The following PTPN14 variants were observed in gnomAD, a reference collection of about 807,000 sequenced individuals.
PTPN14 encodes the protein tyrosine-protein phosphatase non-receptor type 14.
A neutral mutation model predicts 126.8 loss-of-function variants in PTPN14; 53 were observed. The observed-to-expected ratio is 0.42, with a 90% confidence interval of 0.34 to 0.53. PTPN14 has a LOEUF of 0.53. Ranked by LOEUF, PTPN14 falls within the 20% of genes least tolerant of loss-of-function variation. The pLI is 0.08. For missense variants in PTPN14, 1,257 were observed against 1,552.9 expected (o/e 0.81, Z 3.20); for synonymous variants, 630 against 599.3 (o/e 1.05, Z -0.75).
At chr1:214,523,191 G>A (rs1417878579) in intron 1 of PTPN14, among the ~76,000 whole-genome samples, 1 of 152,068 alleles carries the variant, frequency 6.6e-6, no homozygotes, top group Admixed American at 6.6e-5. Context: ...CTGGCATCCC[G>A]AGGTCAACAC....
intron 1 of PTPN14, chr1:214,528,535 T>C (rs1655458122): frequency 6.6e-6 from 1 of 152,162 alleles, no homozygotes; most frequent in Non-Finnish European, 1.5e-5. Flanking sequence ...ATGATTACAG[T>C]TATATAATTA....
At chr1:214,540,430 G>A (rs905307941) in intron 1 of PTPN14, among the ~76,000 whole-genome samples, 1 of 152,088 alleles carries the variant, frequency 6.6e-6, no homozygotes, top group African/African-American at 2.4e-5. Context: ...GAAACAGACT[G>A]GTGCACCCTT....
rs184507502 is a variant in PTPN14, at chr1:214,485,706, G to A, written c.-154-20749C>T. ...CATGAAGAGGAACCACCACAGGGCT[G>A]AAGACATCTAGTCTTTTATATTTCT... On this transcript the variant is annotated intron_variant, in intron 1 of 18. Transcript: ENST00000366956. Among the ~76,000 whole-genome samples, 4 of 152,182 alleles carry A rather than the reference G, an allele frequency of 2.6e-5. 1 individual carries two copies. The highest frequency in any genetic ancestry group is 9.6e-5 in the African/African-American group (4 of 41,536).
rs199650067 is a variant in PTPN14 at position 214,357,736 on chromosome 1, A to G, written c.*186T>C. The G allele has an allele frequency of 3.3e-5, 5 of 150,816 alleles. No individual in the cohort carries two copies. The highest frequency in any genetic ancestry group is 1.0e-4 in the South Asian group (1 of 9,758). 9.3% of individuals were successfully genotyped at this position (150,816 alleles called of 1,614,324 possible). A position where few individuals can be genotyped will look rare whatever the true frequency, so the allele number is the denominator to read the frequency against. On this transcript the variant is annotated 3_prime_UTR_variant, in exon 19 of 19. Transcript: ENST00000366956. ...ATTCACAAAAGTTATTCCAAAGGGG[A>G]AAAAAATAAATTATCTCATATAAAA...
At chr1:214,423,945 C>T (rs1286085196) in intron 3 of PTPN14, among the ~76,000 whole-genome samples, 1 of 152,052 alleles carries the variant, frequency 6.6e-6, no homozygotes, top group East Asian at 1.9e-4. Flanking sequence ...CGCGCCACTG[C>T]ACTCCAGCCT....
At chr1:214,460,596 A>C (rs1170406687) in intron 2 of PTPN14, among the ~76,000 whole-genome samples, 1 of 146,774 alleles carries the variant, frequency 6.8e-6, no homozygotes, top group Non-Finnish European at 1.5e-5. Context: ...TGAAAATTCT[A>C]ACACACACAC....
At position 214,350,501 on chromosome 1, in the gene PTPN14, A is replaced by G. The variant is rs1361655161; in HGVS notation, c.*7421T>C. The G allele has an allele frequency of 9.1e-6, 1 of 110,342 alleles. No homozygotes were observed. Among genetic ancestry groups the G allele is most frequent in the African/African-American group, 3.5e-5 (1 of 28,472 alleles). 6.8% of individuals were successfully genotyped at this position (110,342 alleles called of 1,614,324 possible). On this transcript the variant is annotated 3_prime_UTR_variant, in exon 19 of 19. Coordinates refer to ENST00000366956, the MANE Select transcript of PTPN14 (RefSeq NM_005401.5). ...TTCCTGCTTGCTGAGTTTTCTAGCTATTTTCATTCTGGTTATTTTCATCCG... is the reference window on the plus strand; with the variant it reads ...TTCCTGCTTGCTGAGTTTTCTAGCTGTTTTCATTCTGGTTATTTTCATCCG...
Position 214,537,575 on chromosome 1 carries a change from A to G in PTPN14, c.-155+13608T>C, listed in dbSNP as rs769313007. Among the ~76,000 whole-genome samples the G allele has an allele frequency of 6.6e-5, 10 of 152,362 alleles. No homozygotes were observed. In the South Asian group the frequency reaches 8.3e-4, roughly 13 times the overall value. On this transcript the variant is annotated intron_variant, in intron 1 of 18. Transcript: ENST00000366956. ...CCGTAAGGATCAAGAAAGATAATCC[A>G]CTGGACAAAGCACTTGCACACGGTA... is the stretch of plus-strand genomic sequence containing the variant.
chr1:214,496,653 G>A (rs902039498), intron 1 of PTPN14, among the ~76,000 whole-genome samples: 8 of 152,102 alleles, frequency 5.3e-5, no homozygotes, highest in African/African-American at 1.9e-4. Flanking sequence ...CAAGTGCTGG[G>A]ATCCCTAAGG....
At chr1:214,429,652 A>T (rs1318630246) in intron 3 of PTPN14, among the ~76,000 whole-genome samples, 2 of 152,232 alleles carry the variant, frequency 1.3e-5, no homozygotes, top group African/African-American at 4.8e-5. Context: ...CTTCAAGTAA[A>T]CTTATTGAAT....
chr1:214,490,860 GAGGGGAGGGGAGGGGAGGGGAGGGA>G (rs1661217773), intron 1 of PTPN14, among the ~76,000 whole-genome samples: 2 of 15,988 alleles, frequency 1.3e-4, no homozygotes, highest in African/African-American at 3.6e-4. Context: ...GAAGGGAAGG[GAGGGGAGGGGAGGGGAGGGGAGGGA>G]AGGGGAGGGG....
chr1:214,545,731 A>C (rs1655953361), intron 1 of PTPN14, among the ~76,000 whole-genome samples: 1 of 152,166 alleles, frequency 6.6e-6, no homozygotes, highest in Non-Finnish European at 1.5e-5. Flanking sequence ...GAAAACTCCA[A>C]ATGCCTGGCT....
intron 17 of PTPN14, among the ~76,000 whole-genome samples, chr1:214,369,143 C>T (rs1658154360): frequency 6.6e-6 from 1 of 152,140 alleles, no homozygotes; most frequent in African/African-American, 2.4e-5. Context: ...AGCATCATTC[C>T]TCAAAGTTCA....
At chr1:214,424,730 G>A (rs1659622222) in intron 3 of PTPN14, among the ~76,000 whole-genome samples, 2 of 151,986 alleles carry the variant, frequency 1.3e-5, no homozygotes, top group African/African-American at 4.8e-5. Context: ...GGTATTTTTA[G>A]TACAGATGCA....
chr1:214,358,029 G>C lies in PTPN14; in HGVS notation c.3457C>G (p.Leu1153Val). Residue 1153 changes from leucine to valine, a missense_variant, in exon 19 of 19, where the codon CTG (leucine) becomes GTG (valine). Physicochemically the swap from Leu to Val is conservative, Grantham distance 32. Transcript: ENST00000366956. ...HNEKVEVPMM[L>V]RLLREQRMFM... ...ATCCTCTGCTCCCTGAGGAGCCTCA[G>C]CATCATGGGCACTTCCACCTTCTGC... 1 of 1,613,486 alleles carries C rather than the reference G, an allele frequency of 6.2e-7. No homozygotes were observed. The highest frequency in any genetic ancestry group is 8.5e-7 in the Non-Finnish European group (1 of 1,179,904).
intron 1 of PTPN14, among the ~76,000 whole-genome samples, chr1:214,524,296 T>C (rs977030431): frequency 6.6e-6 from 1 of 152,112 alleles, no homozygotes; most frequent in Non-Finnish European, 1.5e-5. Context: ...TACAAGTTTT[T>C]GAAACTACTT....
chr1:214,391,016 C>A lies in PTPN14; in HGVS notation c.959G>T (p.Arg320Leu). ...EQSNSPPPIR[R>L]QPTWSRSSLP... ...AGAGGATCGGCTCCAGGTGGGCTGG[C>A]GTCTGATGGGGGGTGGAGAATTTGA... is the stretch of plus-strand genomic sequence containing the variant. The change falls in exon 11 of 19, where the codon CGC becomes CTC. Residue 320 changes from arginine to leucine, a missense_variant. Physicochemically the swap from Arg to Leu is moderately radical, Grantham distance 102. Around this residue, in one of 3 missense-constraint regions of PTPN14, gnomAD observed 1,021 missense variants for 1,183.3 expected, o/e 0.86. Coordinates refer to ENST00000366956, the MANE Select transcript of PTPN14 (RefSeq NM_005401.5). 6.3e-7 allele frequency: 1 copy of A among 1,583,608 alleles called. No individual in the cohort carries two copies. The highest frequency in any genetic ancestry group is 8.6e-7 in the Non-Finnish European group (1 of 1,159,600).
chr1:214,472,041 G>A (rs1242278247), intron 1 of PTPN14, among the ~76,000 whole-genome samples: 9 of 152,154 alleles, frequency 5.9e-5, no homozygotes, highest in African/African-American at 1.7e-4. Flanking sequence ...AGTCCTGAAG[G>A]GAAAGACCTG....
At chr1:214,491,309 A>G (rs1175212757) in intron 1 of PTPN14, among the ~76,000 whole-genome samples, 1 of 152,154 alleles carries the variant, frequency 6.6e-6, no homozygotes, top group Non-Finnish European at 1.5e-5. Context: ...TATGAGCTCT[A>G]TCTACAGCGG....
Sources: allele counts gnomAD v4.1 joint callset (sites outside exome capture counted in the v4.1 genomes callset), GRCh38; gene constraint gnomAD v4.1.1; regional missense constraint gnomAD v4.1.1; transcripts MANE v1.5; gene names NCBI Gene and HGNC (gene_info 2026-07-23, HGNC 2026-07-21).